The following SETD1B variants were observed in gnomAD, a reference collection of about 807,000 sequenced individuals.
SETD1B encodes the protein histone-lysine N-methyltransferase SETD1B.
A neutral mutation model predicts 148.0 loss-of-function variants in SETD1B; 7 were observed. The ratio of observed to expected loss-of-function variants is 0.05; its 90% CI spans 0.03 to 0.09. SETD1B has a LOEUF of 0.09. Ranked by LOEUF, SETD1B falls within the 10% of genes least tolerant of loss-of-function variation. SETD1B has a pLI of 1.00. For missense variants in SETD1B, 2,155 were observed against 2,729.9 expected, an observed-to-expected ratio of 0.79 and a Z score of 4.69; for synonymous variants, 1,361 against 1,186.5, an observed-to-expected ratio of 1.15 and a Z score of -3.02.
the SETD1B span, chr12:121,794,453 G>T: frequency 6.6e-6 from 1 of 152,310 alleles, no homozygotes; most frequent in South Asian, 2.1e-4. Flanking sequence ...GCAAGACGTC[G>T]TCAGGGAGGG....
At chr12:121,824,574 G>A (rs1202540425) in intron 12 of SETD1B, among the ~76,000 whole-genome samples, 1 of 152,096 alleles carries the variant, frequency 6.6e-6, no homozygotes, top group East Asian at 1.9e-4. Flanking sequence ...TTGAACCCGG[G>A]AGGCACAGGT....
Position 121,805,704 on chromosome 12 carries a change from T to A in SETD1B, c.274-131T>A, listed in dbSNP as rs1592973525. 1.3e-6 allele frequency: 1 copy of A among 742,364 alleles called. No homozygotes were observed. The highest frequency in any genetic ancestry group is 1.9e-6 in the Non-Finnish European group (1 of 539,838). The allele number at this position is 742,364 out of a possible 1,614,324, so 46.0% of individuals were successfully genotyped here. A position where few individuals can be genotyped will look rare whatever the true frequency, so the allele number is the denominator to read the frequency against. ...TCCAAAAAAAATTTTTTTTTTTTTT[T>A]TAATTTTTAGTTTTTTTACCCTTTA... is the stretch of plus-strand genomic sequence containing the variant. On this transcript the variant is annotated intron_variant, in intron 3 of 16. Coordinates refer to ENST00000604567, the MANE Select transcript of SETD1B (RefSeq NM_001353345.2). The surrounding 1 kb of genome is among the most constrained non-coding windows in gnomAD (Gnocchi z 4.2).
In SETD1B at chr12:121,810,298, A is replaced by ACCCGGCCCGCCGCCC. The variant is rs1487911782; in HGVS notation, c.1358_1372dup (p.Gly453_Pro457dup). The stretch of plus-strand genomic sequence containing the variant: ...TGGCCAAGGAGAAGCCAGGCACGCC[A>ACCCGGCCCGCCGCCC]CCCGGCCCGCCGCCCCCCGACACCA... On this transcript the variant is annotated inframe_insertion, in exon 6 of 17. Transcript: ENST00000604567. This position sits in a 1 kb window ranked among gnomAD's most constrained non-coding sequence, Gnocchi z 7.6. The ACCCGGCCCGCCGCCC allele has an allele frequency of 6.5e-7, 1 of 1,542,246 alleles. No homozygotes were observed. The highest frequency in any genetic ancestry group is 8.7e-7 in the Non-Finnish European group (1 of 1,146,318).
At chr12:121,790,426 T>C in the SETD1B span, among the ~76,000 whole-genome samples, 6 of 152,268 alleles carry the variant, frequency 3.9e-5, no homozygotes, top group Non-Finnish European at 7.3e-5. Context: ...CGCCTGGCCA[T>C]GGCTTTCTGT....
Position 121,809,960 on chromosome 12 carries a change from G to C in SETD1B, c.1015G>C (p.Val339Leu), listed in dbSNP as rs781420489. ...ACACAATTCTCCCGCGGTCACTGCG[G>C]TGGCCGGGGCCACAGCCGCTTTCCG... is the stretch of plus-strand genomic sequence containing the variant. ...YVHNSPAVTA[V>L]AGATAAFRGS... is the part of the protein sequence containing the mutation. Residue 339 changes from valine to leucine, a missense_variant, in exon 6 of 17, where the codon GTG becomes CTG. Around this residue, in one of 11 missense-constraint regions of SETD1B, gnomAD observed 376 missense variants for 385.0 expected, o/e 0.98. Transcript: ENST00000604567. 3.5e-5 allele frequency: 55 copies of C among 1,551,034 alleles called. No individual in the cohort carries two copies. In the Middle Eastern group the frequency reaches 8.3e-4, roughly 24 times the overall value.
chr12:121,822,475 C>T lies in SETD1B; in HGVS notation c.3911-15C>T. 6.6e-7 allele frequency: 1 copy of T among 1,522,564 alleles called. No homozygotes were observed. Among genetic ancestry groups the T allele is most frequent in the Non-Finnish European group, 8.9e-7 (1 of 1,128,912 alleles). 94.3% of individuals were successfully genotyped at this position (1,522,564 alleles called of 1,614,324 possible). ...TTGAATAGTAAATGTCTCGTGTTCG[C>T]TCACCTCTCTGCAGAACATGACCTG... On this transcript the variant is annotated splice_polypyrimidine_tract_variant and intron_variant, in intron 11 of 16. Coordinates refer to ENST00000604567, the MANE Select transcript of SETD1B (RefSeq NM_001353345.2).
intron 6 of SETD1B, among the ~76,000 whole-genome samples, chr12:121,813,245 G>T (rs1174836299): frequency 6.6e-6 from 1 of 152,250 alleles, no homozygotes; most frequent in African/African-American, 2.4e-5. Flanking sequence ...GCCGTCTGCA[G>T]CGCTTAGCCC....
intron 4 of SETD1B, among the ~76,000 whole-genome samples, chr12:121,807,317 G>T (rs565218515): frequency 2.0e-5 from 3 of 152,000 alleles, no homozygotes; most frequent in East Asian, 1.9e-4. Flanking sequence ...GGTTGGGGGG[G>T]CAGTGAGGAC....
Position 121,809,788 on chromosome 12 carries a change from C to G in SETD1B, c.843C>G (p.Thr281=), listed in dbSNP as rs1440975625. 1 of 1,551,592 alleles carries G rather than the reference C, an allele frequency of 6.4e-7. No homozygotes were observed. Among genetic ancestry groups the G allele is most frequent in the South Asian group, 1.2e-5 (1 of 84,058 alleles). The change falls in exon 6 of 17, where the codon ACC becomes ACG. Residue 281 remains threonine (T), a synonymous_variant. Transcript: ENST00000604567. ...QGTPLTPRLG[T]PFSQDSSYSS... ...CCCCGCTCACACCGCGCCTGGGCAC[C>G]CCTTTCTCACAGGACTCCAGCTACT...
At position 121,805,011 on chromosome 12, in the gene SETD1B, C is replaced by A. The variant is rs1402796605; in HGVS notation, c.174+100C>A. On this transcript the variant is annotated intron_variant, in intron 2 of 16. Coordinates refer to ENST00000604567, the MANE Select transcript of SETD1B (RefSeq NM_001353345.2). The surrounding 1 kb of genome is among the most constrained non-coding windows in gnomAD (Gnocchi z 4.2). Reference sequence around the variant, plus strand: ...CCCGCCCGATCCCCCGGCCAACTGTCAGACGGGGCCCCAGCCCTGGAGTTT... The same window carrying A: ...CCCGCCCGATCCCCCGGCCAACTGTAAGACGGGGCCCCAGCCCTGGAGTTT... The A allele has an allele frequency of 6.8e-7, 1 of 1,460,042 alleles. No homozygotes were observed. Among genetic ancestry groups the A allele is most frequent in the Non-Finnish European group, 9.2e-7 (1 of 1,084,572 alleles). 90.4% of individuals were successfully genotyped at this position (1,460,042 alleles called of 1,614,324 possible).
the SETD1B span, chr12:121,797,467 A>G: frequency 2.2e-6 from 1 of 456,492 alleles, no homozygotes; most frequent in Non-Finnish European, 4.4e-6. Flanking sequence ...CCAAGAGGTG[A>G]TGGTGGGGGG....
At position 121,804,336 on chromosome 12, in the gene SETD1B, G is replaced by A. The variant is rs1218361119; in HGVS notation, c.-15+103G>A. On this transcript the variant is annotated intron_variant, in intron 1 of 16. Coordinates refer to ENST00000604567, the MANE Select transcript of SETD1B (RefSeq NM_001353345.2). The surrounding 1 kb of genome is among the most constrained non-coding windows in gnomAD (Gnocchi z 4.6). ...GCGGGCGAGCGGGCGGGCGGGCGGC[G>A]GCGCCGCCAGGCCCTGCCGCCAGCC... 6.9e-6 allele frequency: 1 copy of A among 144,174 alleles called. No individual in the cohort carries two copies. Among genetic ancestry groups the A allele is most frequent in the African/African-American group, 2.5e-5 (1 of 40,216 alleles). The allele number at this position is 144,174 out of a possible 1,614,324, so 8.9% of individuals were successfully genotyped here.
chr12:121,797,826 G>A, the SETD1B span: 2 of 345,014 alleles, frequency 5.8e-6, no homozygotes, highest in Middle Eastern at 1.1e-3. Context: ...AGTATAGAAG[G>A]AGGAGGCTTT....
chr12:121,820,056 G>A (rs1355605993), intron 11 of SETD1B, among the ~76,000 whole-genome samples, 161 bp downstream of exon 11: 4 of 152,246 alleles, frequency 2.6e-5, no homozygotes, highest in South Asian at 2.1e-4. Context: ...AGCGAGATGA[G>A]GTGTTGGGTG....
rs939621946 is a variant in SETD1B, at chr12:121,827,977, C to T, written c.5634C>T (p.Ile1878=). 1.0e-5 allele frequency: 16 copies of T among 1,551,908 alleles called. No homozygotes were observed. Among genetic ancestry groups the T allele is most frequent in the African/African-American group, 5.5e-5 (4 of 73,068 alleles). The change falls in exon 16 of 17, where the codon ATC becomes ATT. Residue 1878 remains isoleucine, a synonymous_variant. Transcript: ENST00000604567. ...MREKRYEDEG[I]GSSYMFRVDH... The stretch of plus-strand genomic sequence containing the variant: ...AGAAGCGTTATGAGGACGAGGGCAT[C>T]GGGAGCAGCTACATGTTCCGGGTGG...
chr12:121,815,231 A>C (rs1876232614), intron 7 of SETD1B, among the ~76,000 whole-genome samples: 1 of 152,218 alleles, frequency 6.6e-6, no homozygotes, highest in African/African-American at 2.4e-5. Context: ...GTTCAAGATC[A>C]GCCTGAGCAG....
intron 6 of SETD1B, among the ~76,000 whole-genome samples, chr12:121,811,619 C>G (rs1426166829): frequency 6.6e-6 from 1 of 152,064 alleles, no homozygotes; most frequent in African/African-American, 2.4e-5. Flanking sequence ...TTCCTTGGCT[C>G]CACTCCTCCT....
rs1341536496 is a variant in SETD1B, at chr12:121,823,582, T to A, written c.5003T>A (p.Leu1668His). 6.4e-7 allele frequency: 1 copy of A among 1,551,256 alleles called. No homozygotes were observed. Among genetic ancestry groups the A allele is most frequent in the Non-Finnish European group, 8.7e-7 (1 of 1,146,918 alleles). Reference protein sequence around the residue: ...GSPELSPPQPLFRPRSEFEEM... With the variant: ...GSPELSPPQPHFRPRSEFEEM... ...CCCGAACTCTCGCCACCCCAGCCCCTCTTCCGGCCCCGCTCGGAGTTTGAG... is the reference window on the plus strand; with the variant it reads ...CCCGAACTCTCGCCACCCCAGCCCCACTTCCGGCCCCGCTCGGAGTTTGAG... Residue 1668 changes from leucine (L) to histidine (H), a missense_variant, in exon 12 of 17, where the codon CTC becomes CAC. By Grantham distance (99) the Leu-to-His change is moderately conservative. Around this residue, in one of 11 missense-constraint regions of SETD1B, gnomAD observed 862 missense variants for 873.8 expected, o/e 0.99. Transcript: ENST00000604567.
chr12:121,793,443 C>T, the SETD1B span: 2 of 1,533,504 alleles, frequency 1.3e-6, no homozygotes, highest in South Asian at 2.4e-5. Context: ...GGGCTCTGGG[C>T]TCAGGGTAAG....
Sources: gnomAD v4.1 joint callset for allele counts (sites outside exome capture counted in the v4.1 genomes callset) on GRCh38, gnomAD v4.1.1 for gene constraint, gnomAD v4.1.1 regional missense constraint, Gnocchi (gnomAD v3.1) non-coding constraint, MANE v1.5 for transcripts, NCBI Gene and HGNC (gene_info 2026-07-23, HGNC 2026-07-21) for gene names.